Variants in B4GALT7 observed in about 807,000 individuals in gnomAD.
B4GALT7 encodes the protein beta-1,4-galactosyltransferase 7, also known as UDP-Gal:beta-GlcNAc beta-1,4-galactosyltransferase 7.
B4GALT7 carries 30 observed loss-of-function variants against 33.0 expected under a neutral mutation model. That is an observed-to-expected ratio of 0.91 (90% CI 0.68 to 1.23). B4GALT7 has a LOEUF of 1.23. Ranked by LOEUF, B4GALT7 falls within the 50% of genes most tolerant of loss-of-function variation. The pLI, the probability that B4GALT7 is intolerant of heterozygous loss-of-function variation, is 0.00. For missense variants in B4GALT7, 507 were observed against 450.8 expected (o/e 1.12, Z -1.13); for synonymous variants, 213 against 187.2 (o/e 1.14, Z -1.13).
chr5:177,600,159 G>C lies in B4GALT7; in HGVS notation c.-52G>C, dbSNP rs1581989381. ...AGGCGCCGCGTAGGCCCGGGAGGCC[G>C]GGCCGGCCGGGCTGCGAGCGCCTGC... is the stretch of plus-strand genomic sequence containing the variant. On this transcript the variant is annotated 5_prime_UTR_variant, in exon 1 of 6. Transcript: ENST00000029410. The surrounding 1 kb of genome is among the most constrained non-coding windows in gnomAD (Gnocchi z 4.4). 1 of 1,220,904 alleles carries C rather than the reference G, an allele frequency of 8.2e-7. No individual in the cohort carries two copies. Among genetic ancestry groups the C allele is most frequent in the East Asian group, 3.4e-5 (1 of 29,558 alleles). The allele number at this position is 1,220,904 out of a possible 1,614,324, so 75.6% of individuals were successfully genotyped here.
At chr5:177,601,485 A>T (rs906269912) in intron 1 of B4GALT7, 20 of 152,248 alleles carry the variant, frequency 1.3e-4, no homozygotes, top group African/African-American at 4.8e-4. Context: ...GAAGGTCTGT[A>T]TGAGACAAGA....
At position 177,604,064 on chromosome 5, in the gene B4GALT7, A is replaced by C. The variant is rs556577213; in HGVS notation, c.51-115A>C. The C allele has an allele frequency of 5.5e-6, 8 of 1,447,704 alleles. No individual in the cohort carries two copies. The South Asian group carries it at 8.1e-5, about 15-fold the overall frequency. 89.7% of individuals were successfully genotyped at this position (1,447,704 alleles called of 1,614,324 possible). ...TAAAGTTGCTTCTGTACTAATTCCCAGGTGCTTGGGGTAGACGAGTTATGT... is the reference window on the plus strand; with the variant it reads ...TAAAGTTGCTTCTGTACTAATTCCCCGGTGCTTGGGGTAGACGAGTTATGT... On this transcript the variant is annotated intron_variant, in intron 1 of 5. Transcript: ENST00000029410.
chr5:177,605,142 C>A, intron 2 of B4GALT7: 1 of 409,722 alleles, frequency 2.4e-6, no homozygotes, highest in Non-Finnish European at 4.9e-6. Context: ...CCCCCTTTTC[C>A]CTGCCACCCT....
intron 2 of B4GALT7, chr5:177,605,074 C>T (rs1259088441): frequency 2.2e-6 from 1 of 455,790 alleles, no homozygotes; most frequent in Admixed American, 2.4e-5. Flanking sequence ...GGATTCTCAG[C>T]CCCACCAGCC....
chr5:177,603,222 C>T (rs998202349), intron 1 of B4GALT7: 7 of 985,290 alleles, frequency 7.1e-6, no homozygotes, highest in Non-Finnish European at 8.4e-6. Flanking sequence ...ATCGCTGACT[C>T]TTAAGATTGT....
chr5:177,604,993 A>G (rs1767946390), intron 2 of B4GALT7: 1 of 456,316 alleles, frequency 2.2e-6, no homozygotes, highest in Admixed American at 2.3e-5. Context: ...GCTCCCTTCC[A>G]TGACCACAGC....
chr5:177,600,273 G>T lies in B4GALT7; in HGVS notation c.50+13G>T, dbSNP rs746553066. On this transcript the variant is annotated intron_variant, in intron 1 of 5. Transcript: ENST00000029410. The surrounding 1 kb of genome is among the most constrained non-coding windows in gnomAD (Gnocchi z 4.4). ...GGGAGGACGGCAGGTGAGCGGCGGC[G>T]GTGGGCCCGGGCCCCGTCCTCCCGG... The T allele has an allele frequency of 3.0e-6, 4 of 1,328,268 alleles. No individual in the cohort carries two copies. The highest frequency in any genetic ancestry group is 3.9e-6 in the Non-Finnish European group (4 of 1,034,782). The allele number at this position is 1,328,268 out of a possible 1,614,324, so 82.3% of individuals were successfully genotyped here. A position where few individuals can be genotyped will look rare whatever the true frequency, so the allele number is the denominator to read the frequency against.
rs1768121721 is a variant in B4GALT7, at chr5:177,609,648, A to C, written c.937A>C (p.Met313Leu). 1 of 1,613,616 alleles carries C rather than the reference A, an allele frequency of 6.2e-7. No individual in the cohort carries two copies. The highest frequency in any genetic ancestry group is 8.5e-7 in the Non-Finnish European group (1 of 1,179,968). Residue 313 changes from methionine (M) to leucine (L), a missense_variant, in exon 6 of 6, where the codon ATG (methionine) becomes CTG (leucine). Met to Leu is a conservative substitution (Grantham distance 15). Coordinates refer to ENST00000029410, the MANE Select transcript of B4GALT7 (RefSeq NM_007255.3). ...GGAPCTVLNIMLDCDKTATPW... is the reference protein window; with the variant it reads ...GGAPCTVLNILLDCDKTATPW... ...GGCCCCCTGCACTGTCCTCAACATCATGTTGGACTGTGACAAGACCGCCAC... is the reference window on the plus strand; with the variant it reads ...GGCCCCCTGCACTGTCCTCAACATCCTGTTGGACTGTGACAAGACCGCCAC...
Position 177,609,527 on chromosome 5 carries a change from T to C in B4GALT7, c.829-13T>C. 1 of 1,612,734 alleles carries C rather than the reference T, an allele frequency of 6.2e-7. No homozygotes were observed. Among genetic ancestry groups the C allele is most frequent in the Non-Finnish European group, 8.5e-7 (1 of 1,180,006 alleles). ...AGCCCTGAGTCCGTGCTCTTTCCTC[T>C]CTTCCTCCCCAGGAGCAGTTCAAGG... On this transcript the variant is annotated splice_polypyrimidine_tract_variant and intron_variant, in intron 5 of 5. Coordinates refer to ENST00000029410, the MANE Select transcript of B4GALT7 (RefSeq NM_007255.3).
chr5:177,606,872 A>C lies in B4GALT7; in HGVS notation c.414-430A>C. 1 of 334,130 alleles carries C rather than the reference A, an allele frequency of 3.0e-6. No homozygotes were observed. The highest frequency in any genetic ancestry group is 5.9e-6 in the Non-Finnish European group (1 of 168,958). The allele number at this position is 334,130 out of a possible 1,614,324, so 20.7% of individuals were successfully genotyped here. On this transcript the variant is annotated intron_variant, in intron 2 of 5. Coordinates refer to ENST00000029410, the MANE Select transcript of B4GALT7 (RefSeq NM_007255.3). The surrounding 1 kb of genome is among the most constrained non-coding windows in gnomAD (Gnocchi z 4.2). ...CTAGGCACCCACTGCCCTGTGGGTC[A>C]TCTCTTCAGGCCTTCAGGTTTCTGT... is the stretch of plus-strand genomic sequence containing the variant.
At position 177,609,611 on chromosome 5, in the gene B4GALT7, G is replaced by C. The variant is rs1421610470; in HGVS notation, c.900G>C (p.Leu300=). Residue 300 remains leucine, a synonymous_variant, in exon 6 of 6, where the codon CTG becomes CTC. Transcript: ENST00000029410. ...VKYHVASRTA[L]SVGGAPCTVL... is the part of the protein sequence containing the mutation. ...ACCATGTGGCTTCCCGCACTGCCCT[G>C]TCTGTGGGCGGGGCCCCCTGCACTG... 6.2e-7 allele frequency: 1 copy of C among 1,614,018 alleles called. No homozygotes were observed. The highest frequency in any genetic ancestry group is 2.2e-5 in the East Asian group (1 of 44,888).
intron 1 of B4GALT7, chr5:177,603,467 C>T (rs919322596): frequency 9.7e-6 from 6 of 615,630 alleles, no homozygotes; most frequent in Non-Finnish European, 1.0e-5. Context: ...AAATCAGTGC[C>T]TGTGCTGTAC....
chr5:177,603,596 T>C (rs1767897618), intron 1 of B4GALT7, among the ~76,000 whole-genome samples: 2 of 152,204 alleles, frequency 1.3e-5, no homozygotes, highest in South Asian at 4.1e-4. Flanking sequence ...CTTGCATTGC[T>C]TCGGGGGGCA....
intron 5 of B4GALT7, among the ~76,000 whole-genome samples, chr5:177,609,273 C>T (rs542688663): frequency 6.6e-6 from 1 of 152,252 alleles, no homozygotes; most frequent in South Asian, 2.1e-4. Flanking sequence ...GCTGAAGGTG[C>T]CAGAATCCCA....
intron 2 of B4GALT7, chr5:177,605,655 A>G (rs1290939536): frequency 7.8e-6 from 1 of 127,818 alleles, no homozygotes; most frequent in Admixed American, 8.5e-5. Flanking sequence ...CCCCCACCCC[A>G]CAGTTGGGCC....
At chr5:177,604,836 T>G (rs974060540) in intron 2 of B4GALT7, among the ~76,000 whole-genome samples, 1 of 150,506 alleles carries the variant, frequency 6.6e-6, no homozygotes, top group Non-Finnish European at 1.5e-5. Context: ...TGGTGGGGGG[T>G]GGGTAGAGAG....
chr5:177,607,441 G>T lies in B4GALT7; in HGVS notation c.553G>T (p.Val185Leu), dbSNP rs137913131. The T allele has an allele frequency of 9.3e-6, 15 of 1,613,792 alleles. No homozygotes were observed. Among genetic ancestry groups the T allele is most frequent in the Admixed American group, 1.7e-5 (1 of 60,000 alleles). ...CTTTCCTGAGGCTGGGCCCTTCCAC[G>T]TGGCCTCCCCGGAGCTCCACCCTCT... ...YGFPEAGPFH[V>L]ASPELHPLYH... The change falls in exon 3 of 6, where the codon GTG (valine) becomes TTG (leucine). Residue 185 changes from valine (V) to leucine (L), a missense_variant. Val to Leu is a conservative substitution (Grantham distance 32). Coordinates refer to ENST00000029410, the MANE Select transcript of B4GALT7 (RefSeq NM_007255.3).
In B4GALT7 at chr5:177,604,514, A is replaced by G; in HGVS notation, c.386A>G (p.Tyr129Cys). The G allele has an allele frequency of 6.2e-7, 1 of 1,613,820 alleles. No homozygotes were observed. The highest frequency in any genetic ancestry group is 8.5e-7 in the Non-Finnish European group (1 of 1,179,932). ...LSRKKIRHHI[Y>C]VLNQVDHFRF... Reference sequence around the variant, plus strand: ...AGGAAGAAGATCCGGCACCACATCTACGTGCTCAACCAGGTGGACCACTTC... The same window carrying G: ...AGGAAGAAGATCCGGCACCACATCTGCGTGCTCAACCAGGTGGACCACTTC... Residue 129 changes from tyrosine to cysteine, a missense_variant, in exon 2 of 6, where the codon TAC becomes TGC. Tyr to Cys is a radical substitution (Grantham distance 194). Transcript: ENST00000029410.
intron 2 of B4GALT7, 75 bp from the exon 3 acceptor site, chr5:177,607,227 A>AC (rs1768039155): frequency 7.5e-7 from 1 of 1,334,514 alleles, no homozygotes; most frequent in South Asian, 1.3e-5. Context: ...CACCATGGGG[A>AC]CCCCCGGGTG....
Sources: gnomAD v4.1 joint callset for allele counts (sites outside exome capture counted in the v4.1 genomes callset) on GRCh38, gnomAD v4.1.1 for gene constraint, Gnocchi (gnomAD v3.1) non-coding constraint, MANE v1.5 for transcripts, NCBI Gene and HGNC (gene_info 2026-07-23, HGNC 2026-07-21) for gene names.